The following NFKB1 variants were observed in gnomAD, a reference collection of about 807,000 sequenced individuals.
NFKB1 encodes nuclear factor kappa B subunit 1.
A neutral mutation model predicts 105.1 loss-of-function variants in NFKB1; 9 were observed. The ratio of observed to expected loss-of-function variants is 0.09; its 90% CI spans 0.05 to 0.15. The LOEUF is 0.15. Among genes scored for constraint, NFKB1 ranks in the 10% least tolerant of loss-of-function variants. The pLI is 1.00. For missense variants in NFKB1, 830 were observed against 1,203.7 expected, an observed-to-expected ratio of 0.69 and a Z score of 4.59; for synonymous variants, 440 against 442.2, an observed-to-expected ratio of 1.00 and a Z score of 0.06.
intron 5 of NFKB1, among the ~76,000 whole-genome samples, chr4:102,566,600 A>G (rs751989163): frequency 1.2e-4 from 19 of 152,174 alleles, no homozygotes; most frequent in Non-Finnish European, 2.2e-4. Flanking sequence ...TTTCTCATCA[A>G]TCATTTACCC....
chr4:102,584,635 A>G, intron 10 of NFKB1, 47 bp from the exon 11 acceptor site: 1 of 1,519,220 alleles, frequency 6.6e-7, no homozygotes, highest in Non-Finnish European at 8.8e-7. Context: ...TGCAAAAAAA[A>G]AAAAAATGTA....
chr4:102,524,467 TC>T (rs1740769718), intron 1 of NFKB1, among the ~76,000 whole-genome samples: 1 of 152,174 alleles, frequency 6.6e-6, no homozygotes, highest in South Asian at 2.1e-4. Flanking sequence ...AGAGCAGCAG[TC>T]CCCAACCTTT....
intron 2 of NFKB1, 60 bp from the exon 3 acceptor site, chr4:102,529,776 A>G (rs929504947): frequency 3.0e-6 from 4 of 1,316,884 alleles, no homozygotes; most frequent in East Asian, 5.1e-5. Flanking sequence ...CCCAACTTCA[A>G]ATTTTTCATA....
chr4:102,582,199 T>A (rs1357033886), intron 9 of NFKB1, among the ~76,000 whole-genome samples: 2 of 152,212 alleles, frequency 1.3e-5, no homozygotes, highest in Non-Finnish European at 2.9e-5. Flanking sequence ...AATTACTCAA[T>A]ATGAACTAAG....
intron 6 of NFKB1, 99 bp downstream of exon 6, chr4:102,567,234 G>T: frequency 7.8e-7 from 1 of 1,288,554 alleles, no homozygotes; most frequent in South Asian, 1.4e-5. Flanking sequence ...GGACCTTTCT[G>T]AGACCCTCAG....
intron 2 of NFKB1, among the ~76,000 whole-genome samples, chr4:102,527,734 C>T (rs1046918105): frequency 2.0e-5 from 3 of 152,030 alleles, no homozygotes; most frequent in Admixed American, 1.3e-4. Flanking sequence ...TTTGTTTTAC[C>T]TTTCGCTTTT....
At chr4:102,510,313 C>T (rs1739696553) in intron 1 of NFKB1, among the ~76,000 whole-genome samples, 1 of 152,148 alleles carries the variant, frequency 6.6e-6, no homozygotes, top group Admixed American at 6.5e-5. Context: ...GGTGTGTTTG[C>T]TGAATAAGTA....
At chr4:102,513,866 T>G (rs1739937618) in intron 1 of NFKB1, among the ~76,000 whole-genome samples, 1 of 152,032 alleles carries the variant, frequency 6.6e-6, no homozygotes, top group Admixed American at 6.6e-5. Context: ...ATATTCCGTG[T>G]GTATTTAAAA....
intron 4 of NFKB1, among the ~76,000 whole-genome samples, chr4:102,536,439 T>C (rs1578733987): frequency 6.6e-6 from 1 of 152,154 alleles, no homozygotes; most frequent in African/African-American, 2.4e-5. Context: ...GCCTTACTTA[T>C]CTGGTAAATG....
chr4:102,579,805 C>T lies in NFKB1; in HGVS notation c.731-730C>T, dbSNP rs182567676. On this transcript the variant is annotated intron_variant, in intron 8 of 23. Transcript: ENST00000226574. ...TTTCAAAAAGCCTGCAAGCATAGTA[C>T]TCAGACTCATTGAAAGTTTATAGAA... Among the ~76,000 whole-genome samples the T allele has an allele frequency of 2.6e-4, 39 of 151,906 alleles. No individual in the cohort carries two copies. In the East Asian group the frequency reaches 7.3e-3, roughly 29 times the overall value.
chr4:102,566,863 C>CATATACAT, intron 5 of NFKB1, 124 bp from the exon 6 acceptor site: 1 of 889,150 alleles, frequency 1.1e-6, no homozygotes, highest in East Asian at 2.7e-5. Flanking sequence ...GGGCTGTAAT[C>CATATACAT]ATGTATATAC....
intron 15 of NFKB1, 33 bp downstream of exon 15, chr4:102,597,694 T>A: frequency 6.3e-7 from 1 of 1,594,312 alleles, no homozygotes; most frequent in Admixed American, 1.7e-5. Flanking sequence ...TAGGTTGTCC[T>A]GGGTGGGGAA....
intron 3 of NFKB1, among the ~76,000 whole-genome samples, chr4:102,533,193 G>A (rs1489858470): frequency 6.6e-6 from 1 of 152,150 alleles, no homozygotes; most frequent in East Asian, 1.9e-4. Flanking sequence ...ATTTTACCAT[G>A]TCTGATAGAC....
chr4:102,549,464 T>C (rs528664487), intron 5 of NFKB1, among the ~76,000 whole-genome samples: 1 of 149,492 alleles, frequency 6.7e-6, no homozygotes, highest in South Asian at 2.1e-4. Flanking sequence ...ATATTCTGTT[T>C]ATATATTGAA....
intron 17 of NFKB1, 31 bp downstream of exon 17, chr4:102,606,728 C>A (rs574079428): frequency 6.3e-7 from 1 of 1,585,414 alleles, no homozygotes; most frequent in South Asian, 1.1e-5. Context: ...ATTGGTGTAA[C>A]TTTCTCCACC....
chr4:102,614,744 C>T (rs1400908144), intron 23 of NFKB1, among the ~76,000 whole-genome samples: 1 of 152,092 alleles, frequency 6.6e-6, no homozygotes, highest in African/African-American at 2.4e-5. Context: ...GTCTCCATTC[C>T]TGGCTCCTCC....
chr4:102,510,252 A>G (rs1342399886), intron 1 of NFKB1, among the ~76,000 whole-genome samples: 3 of 152,208 alleles, frequency 2.0e-5, no homozygotes, highest in Non-Finnish European at 4.4e-5. Context: ...GAAAAGAAAC[A>G]TCTTGAGGGC....
chr4:102,517,302 A>G (rs1415261947), intron 1 of NFKB1, among the ~76,000 whole-genome samples: 2 of 152,198 alleles, frequency 1.3e-5, no homozygotes, highest in East Asian at 1.9e-4. Flanking sequence ...ATGAAGTCCA[A>G]TGTCTTAAAT....
chr4:102,525,597 A>G (rs1740858879), intron 2 of NFKB1, 40 bp downstream of exon 2: 4 of 1,536,104 alleles, frequency 2.6e-6, no homozygotes, highest in South Asian at 1.2e-5. Context: ...ATTTAAATAT[A>G]TTCATATTTC....
Sources: gnomAD v4.1 joint callset for allele counts (sites outside exome capture counted in the v4.1 genomes callset) on GRCh38, gnomAD v4.1.1 for gene constraint, MANE v1.5 for transcripts, NCBI Gene and HGNC (gene_info 2026-07-23, HGNC 2026-07-21) for gene names.